CLVS1: variants seen among roughly 807,000 people sequenced by gnomAD.
CLVS1 encodes clavesin-1.
Under a neutral mutation model 33.1 loss-of-function variants are expected in CLVS1, and 10 were observed. That is an observed-to-expected ratio of 0.30 (90% CI 0.19 to 0.51). CLVS1 has a LOEUF of 0.51. Among genes scored for constraint, CLVS1 ranks in the 20% least tolerant of loss-of-function variants. CLVS1 has a pLI of 0.97. For synonymous variants in CLVS1, 163 were observed against 166.1 expected (o/e 0.98, Z 0.14); for missense variants, 343 against 433.4 (o/e 0.79, Z 1.85).
At chr8:61,211,300 C>T (rs2129307296) in intron 2 of CLVS1, among the ~76,000 whole-genome samples, 1 of 151,944 alleles carries the variant, frequency 6.6e-6, no homozygotes, top group East Asian at 1.9e-4. Context: ...TATTTTGCTC[C>T]TCCTTCTCCC....
chr8:61,271,152 A>T (rs1197102999), intron 2 of CLVS1, among the ~76,000 whole-genome samples: 24 of 144,774 alleles, frequency 1.7e-4, no homozygotes, highest in African/African-American at 6.2e-4. Context: ...GTGGGCATTT[A>T]GTGCTATAAA....
intron 2 of CLVS1, among the ~76,000 whole-genome samples, chr8:61,274,633 T>C (rs748196797): frequency 1.3e-5 from 2 of 152,188 alleles, no homozygotes; most frequent in Non-Finnish European, 2.9e-5. Context: ...CACACCAAGA[T>C]TGATGTTCAG....
chr8:61,235,671 T>C (rs995003376), intron 2 of CLVS1, among the ~76,000 whole-genome samples: 21 of 152,188 alleles, frequency 1.4e-4, no homozygotes. Flanking sequence ...TTGCCTGATA[T>C]ATCAAGGAAG....
chr8:61,450,481 T>C (rs1166017281), intron 3 of CLVS1, among the ~76,000 whole-genome samples: 1 of 152,052 alleles, frequency 6.6e-6, no homozygotes, highest in East Asian at 1.9e-4. Flanking sequence ...AGAAAGGGGA[T>C]AAAAATCACA....
At chr8:61,250,350 A>G (rs990207276) in intron 2 of CLVS1, among the ~76,000 whole-genome samples, 3 of 152,126 alleles carry the variant, frequency 2.0e-5, no homozygotes, top group Non-Finnish European at 4.4e-5. Flanking sequence ...GTCAGGTAGC[A>G]TGATGCCTTC....
At chr8:61,033,638 G>T in the CLVS1 span, among the ~76,000 whole-genome samples, 1 of 152,206 alleles carries the variant, frequency 6.6e-6, no homozygotes, top group African/African-American at 2.4e-5. Context: ...ACTGGCCATG[G>T]TCTGGAACAG....
chr8:61,077,827 T>C (rs1804950215), intron 1 of CLVS1, among the ~76,000 whole-genome samples: 1 of 152,166 alleles, frequency 6.6e-6, no homozygotes, highest in African/African-American at 2.4e-5. Flanking sequence ...CCCGAGGCCA[T>C]GCCGGAGCCA....
intron 2 of CLVS1, among the ~76,000 whole-genome samples, chr8:61,244,285 T>C (rs1808763480): frequency 6.6e-6 from 1 of 152,146 alleles, no homozygotes; most frequent in South Asian, 2.1e-4. Context: ...TTCCCAAATA[T>C]ATGGGATTAA....
the CLVS1 span, among the ~76,000 whole-genome samples, chr8:61,018,050 G>A: frequency 6.6e-6 from 1 of 152,324 alleles, no homozygotes; most frequent in East Asian, 1.9e-4. Context: ...AAAGGAAGGG[G>A]AGAGGACTGG....
At chr8:61,011,363 A>T in the CLVS1 span, among the ~76,000 whole-genome samples, 16 of 152,086 alleles carry the variant, frequency 1.1e-4, no homozygotes, top group South Asian at 6.2e-4. Context: ...ACGTTAAAAA[A>T]TTTTTCTAAT....
chr8:61,322,901 T>A (rs1350897371), intron 2 of CLVS1, among the ~76,000 whole-genome samples: 1 of 152,156 alleles, frequency 6.6e-6, no homozygotes, highest in Non-Finnish European at 1.5e-5. Context: ...CCAAACAAAA[T>A]TTAGTCTCCC....
chr8:61,200,840 CT>C (rs1563442539), intron 2 of CLVS1, among the ~76,000 whole-genome samples: 1 of 151,976 alleles, frequency 6.6e-6, no homozygotes, highest in African/African-American at 2.4e-5. Context: ...TGGTTTTTAT[CT>C]TTTTTTGTTT....
chr8:61,412,047 A>T (rs975752916), intron 3 of CLVS1, among the ~76,000 whole-genome samples: 4 of 152,122 alleles, frequency 2.6e-5, no homozygotes, highest in Non-Finnish European at 5.9e-5. Context: ...TGGCCAGTGG[A>T]TGGAGGCCTG....
intron 3 of CLVS1, among the ~76,000 whole-genome samples, chr8:61,391,514 A>G (rs1287080123): frequency 1.3e-5 from 2 of 152,230 alleles, no homozygotes; most frequent in Non-Finnish European, 2.9e-5. Context: ...TGAGAATTCT[A>G]AAGTACATAG....
chr8:61,265,168 G>A (rs1336804281), intron 2 of CLVS1, among the ~76,000 whole-genome samples: 1 of 152,108 alleles, frequency 6.6e-6, no homozygotes, highest in African/African-American at 2.4e-5. Flanking sequence ...AAATTAACAT[G>A]GCCTATACTG....
intron 2 of CLVS1, among the ~76,000 whole-genome samples, chr8:61,214,874 C>A (rs1400922158): frequency 2.0e-5 from 3 of 152,176 alleles, no homozygotes; most frequent in Non-Finnish European, 4.4e-5. Flanking sequence ...AACTGGCATT[C>A]TGGTTAATGC....
At chr8:61,106,177 GGTTT>G (rs1343744567) in intron 1 of CLVS1, among the ~76,000 whole-genome samples, 1 of 152,154 alleles carries the variant, frequency 6.6e-6, no homozygotes, top group African/African-American at 2.4e-5. Context: ...TCTCAGTTCA[GGTTT>G]GTTTAATTGA....
chr8:61,061,845 C>T (rs1045030483), intron 1 of CLVS1, among the ~76,000 whole-genome samples: 3 of 151,968 alleles, frequency 2.0e-5, no homozygotes, highest in East Asian at 1.9e-4. Context: ...AAGAGGAGGG[C>T]GAGCTTGAGG....
chr8:61,198,307 T>A (rs1343751228), intron 2 of CLVS1, among the ~76,000 whole-genome samples: 1 of 152,322 alleles, frequency 6.6e-6, no homozygotes, highest in East Asian at 1.9e-4. Flanking sequence ...ATTACACGGA[T>A]GAATTGTATA....
Sources: gnomAD v4.1 joint callset for allele counts (sites outside exome capture counted in the v4.1 genomes callset) on GRCh38, gnomAD v4.1.1 for gene constraint, MANE v1.5 for transcripts, NCBI Gene and HGNC (gene_info 2026-07-23, HGNC 2026-07-21) for gene names.